AMOT: variants seen among roughly 807,000 people sequenced by gnomAD.
The protein encoded by AMOT is angiomotin.
AMOT carries 11 observed loss-of-function variants against 67.0 expected under a neutral mutation model. The observed-to-expected ratio is 0.16, with a 90% CI of 0.10 to 0.27. The LOEUF is 0.27. Ranked by LOEUF, AMOT falls within the 10% of genes least tolerant of loss-of-function variation. The probability of loss-of-function intolerance (pLI) is 1.00; values close to 1 mark genes in which losing one functional copy is unlikely to be tolerated. For synonymous variants in AMOT, 326 were observed against 321.4 expected, an observed-to-expected ratio of 1.01 and a Z score of -0.15; for missense variants, 753 against 852.0, an observed-to-expected ratio of 0.88 and a Z score of 1.45.
intron 10 of AMOT, among the ~76,000 whole-genome samples, chrX:112,788,242 TAG>T (rs1933444077): frequency 2.8e-5 from 3 of 106,384 alleles, no homozygotes; most frequent in Non-Finnish European, 5.8e-5. Context: ...TGAGCCGAGA[TAG>T]CACCACTGCA....
Position 112,822,701 on chromosome X carries a change from C to T in AMOT, c.426G>A (p.Arg142=), listed in dbSNP as rs1224588800. 8.6e-7 allele frequency: 1 copy of T among 1,166,554 alleles called. No individual in the cohort carries two copies. The highest frequency in any genetic ancestry group is 2.6e-5 in the Admixed American group (1 of 38,696). ...GCTGAACTGATGGGCGTCCCTCAGT[C>T]CTCATCTTCTGGTTGGTGACTCCAG... ...YVTGVTNQKM[R]TEGRPSVQRL... Residue 142 remains arginine (R), a synonymous_variant, in exon 4 of 14, where the codon AGG becomes AGA. Coordinates refer to ENST00000371959, the MANE Select transcript of AMOT (RefSeq NM_001113490.2).
At chrX:112,821,499 T>C (rs1057431971) in intron 4 of AMOT, among the ~76,000 whole-genome samples, 3 of 112,027 alleles carry the variant, frequency 2.7e-5, no homozygotes, top group Non-Finnish European at 5.6e-5. Flanking sequence ...AATTAAGAAG[T>C]ATATATAGGA....
At chrX:112,819,106 C>T (rs1212453564) in intron 4 of AMOT, among the ~76,000 whole-genome samples, 1 of 110,950 alleles carries the variant, frequency 9.0e-6, no homozygotes, top group Non-Finnish European at 1.9e-5. Flanking sequence ...AGTAAGGACT[C>T]AAAGGGAAAG....
At chrX:112,801,447 A>G (rs1261739977) in intron 8 of AMOT, among the ~76,000 whole-genome samples, 2 of 111,513 alleles carry the variant, frequency 1.8e-5, no homozygotes, top group Non-Finnish European at 3.8e-5. Flanking sequence ...GTGACTCACC[A>G]AGAAAACAGG....
intron 7 of AMOT, among the ~76,000 whole-genome samples, chrX:112,805,484 C>T (rs763009195): frequency 2.5e-4 from 28 of 110,688 alleles, no homozygotes; most frequent in Non-Finnish European, 3.6e-4. Flanking sequence ...CTTACATTGG[C>T]AAAAAGCAAT....
intron 7 of AMOT, 86 bp from the exon 8 acceptor site, chrX:112,805,178 C>G: frequency 1.9e-6 from 2 of 1,079,339 alleles, no homozygotes; most frequent in Non-Finnish European, 2.5e-6. Context: ...ATACCCTTTA[C>G]TAGATAGCCT....
rs193059310 is a variant in AMOT, at chrX:112,779,198, G to T, written c.2956C>A (p.Pro986Thr). 6 of 764,952 alleles carry T rather than the reference G, an allele frequency of 7.8e-6. No individual in the cohort carries two copies. Among genetic ancestry groups the T allele is most frequent in the Non-Finnish European group, 1.2e-5 (6 of 489,132 alleles). 63.0% of individuals were successfully genotyped at this position (764,952 alleles called of 1,213,427 possible). ...PAPVPAPALV[P>T]VPAPAAAQAS... ...TGAGCCGCTGCTGGAGCTGGAACCG[G>T]AACCAGAGCCGGAGCTGGAACTGGA... The change falls in exon 13 of 14, where the codon CCG becomes ACG. Residue 986 changes from proline to threonine, a missense_variant. Transcript: ENST00000371959.
chrX:112,811,432 G>A (rs775681623), intron 5 of AMOT, 39 bp from the exon 6 acceptor site: 1 of 1,182,641 alleles, frequency 8.5e-7, no homozygotes, highest in South Asian at 1.9e-5. Context: ...GATGGTAGGA[G>A]GGTGATGGGG....
chrX:112,818,037 T>C (rs1934614303), intron 4 of AMOT, among the ~76,000 whole-genome samples: 1 of 111,610 alleles, frequency 9.0e-6, no homozygotes, highest in Admixed American at 9.5e-5. Context: ...GTCTCTTTTC[T>C]GCTTTGTGGG....
At chrX:112,821,094 T>G (rs149186855) in intron 4 of AMOT, among the ~76,000 whole-genome samples, 3,196 of 111,716 alleles carry the variant, frequency 0.029, 51 homozygotes, top group Non-Finnish European at 0.044. Flanking sequence ...ACTTTCACCC[T>G]ACTCCACCCC....
intron 10 of AMOT, 127 bp from the exon 11 acceptor site, chrX:112,782,789 G>T: frequency 1.1e-6 from 1 of 884,448 alleles, no homozygotes; most frequent in Non-Finnish European, 1.6e-6. Context: ...TGGAACAGAT[G>T]GTTTCTGGGG....
chrX:112,785,621 A>G (rs1933341043), intron 10 of AMOT, among the ~76,000 whole-genome samples: 1 of 112,233 alleles, frequency 8.9e-6, no homozygotes, highest in Non-Finnish European at 1.9e-5. Flanking sequence ...AGGGAATAAA[A>G]TGATCTAAGC....
intron 6 of AMOT, among the ~76,000 whole-genome samples, chrX:112,810,397 T>A (rs1423288909): frequency 1.8e-5 from 2 of 111,827 alleles, no homozygotes; most frequent in African/African-American, 3.3e-5. Context: ...AAAGATAAAA[T>A]AACCAAAATT....
chrX:112,828,863 C>T (rs762280668), intron 2 of AMOT, among the ~76,000 whole-genome samples: 78 of 112,582 alleles, frequency 6.9e-4, no homozygotes, highest in Non-Finnish European at 1.1e-3. Flanking sequence ...GACTATAAAC[C>T]TGCTTTAACG....
intron 9 of AMOT, among the ~76,000 whole-genome samples, chrX:112,791,031 A>C (rs756662041): frequency 4.5e-5 from 5 of 111,063 alleles, no homozygotes; most frequent in Admixed American, 2.9e-4. Flanking sequence ...AAGTGAATTA[A>C]TGGCCTAAAA....
At chrX:112,836,754 T>C (rs1024514) in intron 1 of AMOT, among the ~76,000 whole-genome samples, 52,178 of 106,946 alleles carry the variant, frequency 0.49, 10,201 homozygotes, top group South Asian at 0.71. Flanking sequence ...GACTAGATGA[T>C]TGAATTTCTA....
intron 3 of AMOT, 106 bp from the exon 4 acceptor site, chrX:112,823,294 A>G (rs1934761196): frequency 2.2e-5 from 11 of 491,546 alleles, no homozygotes; most frequent in Non-Finnish European, 3.3e-5. Flanking sequence ...TGCAGAAACA[A>G]AGTAGAGAAT....
chrX:112,820,017 G>A (rs1020376801), intron 4 of AMOT, among the ~76,000 whole-genome samples: 4 of 112,161 alleles, frequency 3.6e-5, no homozygotes, highest in Non-Finnish European at 5.6e-5. Context: ...TACACTTCTG[G>A]AAAGCAGTTC....
chrX:112,795,274 GTA>G (rs1556198715), intron 8 of AMOT, among the ~76,000 whole-genome samples: 2 of 107,418 alleles, frequency 1.9e-5, no homozygotes, highest in African/African-American at 6.9e-5. Context: ...GTGTGTGTGT[GTA>G]TGTGTATGTC....
Sources: gnomAD v4.1 joint callset for allele counts (sites outside exome capture counted in the v4.1 genomes callset) on GRCh38, gnomAD v4.1.1 for gene constraint, MANE v1.5 for transcripts, NCBI Gene and HGNC (gene_info 2026-07-23, HGNC 2026-07-21) for gene names.